The following AHDC1 variants were observed in gnomAD, a reference collection of about 807,000 sequenced individuals.
AHDC1 encodes the protein transcription factor Gibbin.
A neutral mutation model predicts 87.9 loss-of-function variants in AHDC1; 7 were observed. The ratio of observed to expected loss-of-function variants is 0.08; its 90% CI spans 0.05 to 0.15. The LOEUF is 0.15. AHDC1 is among the 10% of genes least tolerant of loss of function. The pLI is 1.00. For missense variants in AHDC1, 1,841 were observed against 2,253.2 expected (o/e 0.82, Z 3.70); for synonymous variants, 1,051 against 1,006.8 (o/e 1.04, Z -0.83).
chr1:27,577,958 G>C (rs970048021), intron 3 of AHDC1, among the ~76,000 whole-genome samples: 2 of 152,212 alleles, frequency 1.3e-5, no homozygotes, highest in Admixed American at 1.3e-4. Context: ...CCACAGCCCA[G>C]ATGTTCTCCC....
rs1023641085 is a variant in AHDC1, at chr1:27,558,040, A to G, written c.-225+265T>C. On this transcript the variant is annotated intron_variant, in intron 5 of 8. Transcript: ENST00000673934. The surrounding 1 kb of genome is among the most constrained non-coding windows in gnomAD (Gnocchi z 5.6). Reference sequence around the variant, plus strand: ...ACTCCACCCCCAGACCTCAGGCCCCAGGAATGCTCCTTTGGAAGTAGGGTG... The same window carrying G: ...ACTCCACCCCCAGACCTCAGGCCCCGGGAATGCTCCTTTGGAAGTAGGGTG... 2.6e-5 allele frequency among the ~76,000 whole-genome samples: 4 copies of G among 152,282 alleles called. No individual in the cohort carries two copies. The highest frequency in any genetic ancestry group is 9.6e-5 in the African/African-American group (4 of 41,566).
chr1:27,578,069 A>T (rs2148427677), intron 3 of AHDC1, among the ~76,000 whole-genome samples: 1 of 152,204 alleles, frequency 6.6e-6, no homozygotes, highest in South Asian at 2.1e-4. Context: ...ACTCCTCTGG[A>T]CCCTGGTCCC....
chr1:27,598,191 G>A lies in AHDC1; in HGVS notation c.-629+5206C>T, dbSNP rs542946878. Among the ~76,000 whole-genome samples, 467 of 152,348 alleles carry A rather than the reference G, an allele frequency of 3.1e-3. 4 individuals carry two copies. Among genetic ancestry groups the A allele is most frequent in the East Asian group, 0.016 (82 of 5,186 alleles). ...GGCAGCTGGGCTGAATTGGGAGTTC[G>A]GGGCCAGCCAGCTGCAGAAGCAGCC... On this transcript the variant is annotated intron_variant, in intron 3 of 8. Transcript: ENST00000673934. This position sits in a 1 kb window ranked among gnomAD's most constrained non-coding sequence, Gnocchi z 4.2.
At position 27,552,015 on chromosome 1, in the gene AHDC1, G is replaced by C; in HGVS notation, c.101C>G (p.Thr34Ser). Residue 34 changes from threonine to serine, a missense_variant, in exon 8 of 9, where the codon ACC (threonine) becomes AGC (serine). Thr to Ser is a moderately conservative substitution (Grantham distance 58). Around this residue, in one of 13 missense-constraint regions of AHDC1, gnomAD observed 142 missense variants for 165.6 expected, o/e 0.86. Coordinates refer to ENST00000673934, the MANE Select transcript of AHDC1 (RefSeq NM_001371928.1). ...EPKYYPGGPP[T>S]PRPLLPTRPP... ...CCGGGTGGGAAGCAGGGGCCGGGGG[G>C]TGGGGGGGCCGCCGGGGTAGTACTT... 6.8e-7 allele frequency: 1 copy of C among 1,470,160 alleles called. No homozygotes were observed. The highest frequency in any genetic ancestry group is 9.0e-7 in the Non-Finnish European group (1 of 1,111,702). The allele number at this position is 1,470,160 out of a possible 1,614,324, so 91.1% of individuals were successfully genotyped here.
Position 27,590,205 on chromosome 1 carries a change from T to C in AHDC1, c.-629+13192A>G, listed in dbSNP as rs1367935434. Among the ~76,000 whole-genome samples the C allele has an allele frequency of 6.6e-6, 1 of 152,158 alleles. No homozygotes were observed. Among genetic ancestry groups the C allele is most frequent in the African/African-American group, 2.4e-5 (1 of 41,444 alleles). On this transcript the variant is annotated intron_variant, in intron 3 of 8. Coordinates refer to ENST00000673934, the MANE Select transcript of AHDC1 (RefSeq NM_001371928.1). This position sits in a 1 kb window ranked among gnomAD's most constrained non-coding sequence, Gnocchi z 5.4. Reference sequence around the variant, plus strand: ...TTCCTGGTGAGCAGGCTGCGGGGTTTGGCAGCGCGCCTGCTGGAGACCCGC... The same window carrying C: ...TTCCTGGTGAGCAGGCTGCGGGGTTCGGCAGCGCGCCTGCTGGAGACCCGC...
rs369383933 is a variant in AHDC1, at chr1:27,549,704, A to C, written c.2412T>G (p.Thr804=). The C allele has an allele frequency of 3.1e-6, 5 of 1,612,930 alleles. No homozygotes were observed. The African/African-American group carries it at 6.7e-5, about 22-fold the overall frequency. Residue 804 remains threonine, a synonymous_variant, in exon 8 of 9, where the codon ACT becomes ACG. Transcript: ENST00000673934. ...QGTEARAFAS[T]GLESGASGRG... is the part of the protein sequence containing the mutation. ...GGCCTGAGGCTCCACTCTCCAGCCCAGTGGAGGCAAAGGCCCGGGCCTCGG... is the reference window on the plus strand; with the variant it reads ...GGCCTGAGGCTCCACTCTCCAGCCCCGTGGAGGCAAAGGCCCGGGCCTCGG...
intron 5 of AHDC1, among the ~76,000 whole-genome samples, chr1:27,555,005 T>C (rs969582298): frequency 2.1e-4 from 32 of 152,232 alleles, no homozygotes; most frequent in Non-Finnish European, 1.3e-4. Context: ...GCAGGATTTC[T>C]AATTCTGCCT....
Position 27,562,292 on chromosome 1 carries a change from T to C in AHDC1, c.-628-3409A>G, listed in dbSNP as rs2020124156. ...GAGAGATAACAGGCCCGAATAGTGC[T>C]GACTTGCGGTTCAGAAATCCAATAT... On this transcript the variant is annotated intron_variant, in intron 3 of 8. Coordinates refer to ENST00000673934, the MANE Select transcript of AHDC1 (RefSeq NM_001371928.1). The surrounding 1 kb of genome is among the most constrained non-coding windows in gnomAD (Gnocchi z 4.4). Among the ~76,000 whole-genome samples the C allele has an allele frequency of 6.6e-6, 1 of 152,048 alleles. No individual in the cohort carries two copies. The highest frequency in any genetic ancestry group is 1.5e-5 in the Non-Finnish European group (1 of 67,990).
intron 3 of AHDC1, among the ~76,000 whole-genome samples, chr1:27,572,229 G>A (rs1198795743): frequency 8.5e-5 from 13 of 152,172 alleles, no homozygotes. Flanking sequence ...ATTCACGCCT[G>A]TTCCTGACTT....
intron 3 of AHDC1, among the ~76,000 whole-genome samples, chr1:27,559,091 GC>G (rs1282364129): frequency 2.6e-5 from 4 of 152,084 alleles, no homozygotes; most frequent in Non-Finnish European, 5.9e-5. Context: ...TCGTTTTGTG[GC>G]CCAGGTTGGA....
chr1:27,574,518 G>C lies in AHDC1; in HGVS notation c.-628-15635C>G, dbSNP rs182675582. Among the ~76,000 whole-genome samples the C allele has an allele frequency of 7.7e-4, 117 of 152,300 alleles. 1 individual carries two copies. Among genetic ancestry groups the C allele is most frequent in the South Asian group, 6.8e-3 (33 of 4,826 alleles). ...GGGAAACTCAGGAGTAAAAGGACTT[G>C]TTCAAGGTCACACAGCCAGCGAGTG... is the stretch of plus-strand genomic sequence containing the variant. On this transcript the variant is annotated intron_variant, in intron 3 of 8. Transcript: ENST00000673934.
intron 3 of AHDC1, among the ~76,000 whole-genome samples, chr1:27,575,417 AG>A (rs2088691989): frequency 6.6e-6 from 1 of 151,996 alleles, no homozygotes. Context: ...CGAGGAGGCG[AG>A]GGGTGCTCTC....
rs2089274840 is a variant in AHDC1, at chr1:27,593,181, G to A, written c.-629+10216C>T. Among the ~76,000 whole-genome samples the A allele has an allele frequency of 1.3e-5, 2 of 152,064 alleles. No individual in the cohort carries two copies. The highest frequency in any genetic ancestry group is 4.8e-5 in the African/African-American group (2 of 41,402). ...CGGGCTCCCTCCAGGGCTGGCTGGG[G>A]CAGGGGCTGAGGTGGGGAAGGGGGA... On this transcript the variant is annotated intron_variant, in intron 3 of 8. Transcript: ENST00000673934. The surrounding 1 kb of genome is among the most constrained non-coding windows in gnomAD (Gnocchi z 4.9).
chr1:27,587,799 A>G (rs59829510), intron 3 of AHDC1, among the ~76,000 whole-genome samples: 17,392 of 152,088 alleles, frequency 0.11, 2,734 homozygotes, highest in African/African-American at 0.36. Flanking sequence ...CACCTGTACT[A>G]CCCCATCCTT....
intron 8 of AHDC1, among the ~76,000 whole-genome samples, chr1:27,542,488 C>A (rs1397349422): frequency 6.6e-6 from 1 of 152,218 alleles, no homozygotes; most frequent in African/African-American, 2.4e-5. Context: ...GTCAGAGGCC[C>A]CGGAGTTCAG....
At position 27,562,515 on chromosome 1, in the gene AHDC1, G is replaced by A. The variant is rs2020137381; in HGVS notation, c.-628-3632C>T. On this transcript the variant is annotated intron_variant, in intron 3 of 8. Coordinates refer to ENST00000673934, the MANE Select transcript of AHDC1 (RefSeq NM_001371928.1). This position sits in a 1 kb window ranked among gnomAD's most constrained non-coding sequence, Gnocchi z 4.4. ...CCCTGCCTTGGTGCCCCACCTCACA[G>A]ACACACACCTGCCCTGGCCCTAAAG... 6.6e-6 allele frequency among the ~76,000 whole-genome samples: 1 copy of A among 152,156 alleles called. No individual in the cohort carries two copies. The highest frequency in any genetic ancestry group is 2.4e-5 in the African/African-American group (1 of 41,406).
intron 3 of AHDC1, among the ~76,000 whole-genome samples, chr1:27,572,173 A>T (rs1055142207): frequency 2.0e-5 from 3 of 152,160 alleles, no homozygotes; most frequent in Non-Finnish European, 4.4e-5. Context: ...GAGATTGAAC[A>T]GGAAACAGAG....
intron 5 of AHDC1, among the ~76,000 whole-genome samples, chr1:27,557,165 G>A (rs1209237957): frequency 6.7e-6 from 1 of 148,844 alleles, no homozygotes; most frequent in African/African-American, 2.5e-5. Flanking sequence ...GTGTGTGGGC[G>A]CCACCGCCAG....
chr1:27,596,157 A>G (rs935484833), intron 3 of AHDC1, among the ~76,000 whole-genome samples: 6 of 151,990 alleles, frequency 3.9e-5, no homozygotes, highest in South Asian at 4.1e-4. Flanking sequence ...TAGAACCCCT[A>G]TGGTATGGGG....
Sources: gnomAD v4.1 joint callset for allele counts (sites outside exome capture counted in the v4.1 genomes callset) on GRCh38, gnomAD v4.1.1 for gene constraint, gnomAD v4.1.1 regional missense constraint, Gnocchi (gnomAD v3.1) non-coding constraint, MANE v1.5 for transcripts, NCBI Gene and HGNC (gene_info 2026-07-23, HGNC 2026-07-21) for gene names.